The following MDGA2 variants were observed in gnomAD, a reference collection of about 807,000 sequenced individuals.
MDGA2 encodes MAM domain-containing glycosylphosphatidylinositol anchor protein 2.
In MDGA2, 40 loss-of-function variants were observed where a neutral mutation model predicts 117.8. That is an observed-to-expected ratio of 0.34 (90% CI 0.26 to 0.44). The LOEUF is 0.44. Among genes scored for constraint, MDGA2 ranks in the 20% least tolerant of loss-of-function variants. MDGA2 has a pLI of 1.00. For missense variants in MDGA2, 1,123 were observed against 1,250.6 expected, an observed-to-expected ratio of 0.90 and a Z score of 1.54; for synonymous variants, 452 against 439.0, an observed-to-expected ratio of 1.03 and a Z score of -0.37.
In MDGA2 at chr14:46,868,511, A is replaced by G. The variant is rs144382774; in HGVS notation, c.2752+4922T>C. 5.9e-5 allele frequency among the ~76,000 whole-genome samples: 9 copies of G among 152,040 alleles called. No homozygotes were observed. The South Asian group carries it at 1.5e-3, about 25-fold the overall frequency. On this transcript the variant is annotated intron_variant, in intron 14 of 16. Coordinates refer to ENST00000399232, the MANE Select transcript of MDGA2 (RefSeq NM_001113498.3). ...ACTTCAAGTATGACTGGAACAGACT[A>G]TGAAGCTACCCCAAGGAAAAGCCAG...
In MDGA2 at chr14:46,855,116, T is replaced by C. The variant is rs1221329781; in HGVS notation, c.2791A>G (p.Thr931Ala). ...GAAGACCACAGTGGATTCTCTATTG[T>C]TGTTTGCCCTTTCAAACGTAGATAA... is the stretch of plus-strand genomic sequence containing the variant. Reference protein sequence around the residue: ...NVYLRLKGQTTIENPLWSSSG... With the variant: ...NVYLRLKGQTAIENPLWSSSG... The change falls in exon 15 of 17, where the codon ACA becomes GCA. Residue 931 changes from threonine (T) to alanine (A), a missense_variant. Around this residue, in one of 2 missense-constraint regions of MDGA2, gnomAD observed 890 missense variants for 1,050.3 expected, o/e 0.85. Transcript: ENST00000399232. The surrounding 1 kb of genome is among the most constrained non-coding windows in gnomAD (Gnocchi z 4.1). 6.2e-7 allele frequency: 1 copy of C among 1,610,868 alleles called. No individual in the cohort carries two copies. The highest frequency in any genetic ancestry group is 8.5e-7 in the Non-Finnish European group (1 of 1,178,420).
At chr14:47,392,758 C>A (rs539163913) in intron 1 of MDGA2, among the ~76,000 whole-genome samples, 3 of 151,536 alleles carry the variant, frequency 2.0e-5, no homozygotes, top group African/African-American at 7.3e-5. Flanking sequence ...TATTTTTAAA[C>A]CAAAAAATAA....
chr14:47,400,849 CG>C (rs34392580), intron 1 of MDGA2, among the ~76,000 whole-genome samples: 115,243 of 115,280 alleles, frequency 1, 57,603 homozygotes, highest in Middle Eastern at 1. Flanking sequence ...CTCCGCCTCC[CG>C]GGGTTCACGC....
chr14:47,299,620 T>C (rs1475868249), intron 2 of MDGA2: 2 of 152,206 alleles, frequency 1.3e-5, no homozygotes, highest in Non-Finnish European at 2.9e-5. Context: ...AAGTCTATCA[T>C]TGTTTAAATT....
chr14:46,848,792 A>T (rs2138280749), intron 15 of MDGA2, among the ~76,000 whole-genome samples: 1 of 152,122 alleles, frequency 6.6e-6, no homozygotes, highest in East Asian at 1.9e-4. Context: ...TGTGCTACCT[A>T]CCTACTGGCA....
chr14:47,509,657 C>G (rs541274263), intron 1 of MDGA2, among the ~76,000 whole-genome samples: 19 of 152,282 alleles, frequency 1.2e-4, no homozygotes, highest in Non-Finnish European at 2.4e-4. Flanking sequence ...AGCAGAGTAT[C>G]AAATCAAGAG....
chr14:47,499,298 G>C (rs573725137), intron 1 of MDGA2, among the ~76,000 whole-genome samples: 1 of 151,996 alleles, frequency 6.6e-6, no homozygotes, highest in Non-Finnish European at 1.5e-5. Context: ...CAATACTCCA[G>C]GATTTGCTAT....
At chr14:47,625,200 TC>T (rs1897119344) in intron 1 of MDGA2, among the ~76,000 whole-genome samples, 1 of 152,140 alleles carries the variant, frequency 6.6e-6, no homozygotes, top group Non-Finnish European at 1.5e-5. Context: ...GGAATGCTTT[TC>T]TTTAGCATAC....
At chr14:47,259,100 T>C (rs1887713329) in intron 2 of MDGA2, among the ~76,000 whole-genome samples, 1 of 151,976 alleles carries the variant, frequency 6.6e-6, no homozygotes, top group Admixed American at 6.6e-5. Context: ...TCCATTTGTT[T>C]GTTTAGTGCC....
Position 47,155,673 on chromosome 14 carries a change from T to A in MDGA2, c.596-11399A>T, listed in dbSNP as rs528856963. ...CAGCCCTCACCGTTCCATGGCTGGC[T>A]CACCCTTGACAGGTGTGAGATCCAG... On this transcript the variant is annotated intron_variant, in intron 3 of 16. Transcript: ENST00000399232. 7.9e-3 allele frequency among the ~76,000 whole-genome samples: 1,195 copies of A among 151,856 alleles called. 4 individuals carry two copies. The highest frequency in any genetic ancestry group is 0.013 in the Non-Finnish European group (852 of 67,974).
chr14:47,448,135 ATTTTAT>A (rs763590033), intron 1 of MDGA2, among the ~76,000 whole-genome samples: 141 of 144,970 alleles, frequency 9.7e-4, no homozygotes, highest in Middle Eastern at 3.6e-3. Flanking sequence ...TTATTTATTT[ATTTTAT>A]TTTATTTTAT....
chr14:47,612,303 C>T (rs1896865745), intron 1 of MDGA2, among the ~76,000 whole-genome samples: 1 of 151,910 alleles, frequency 6.6e-6, no homozygotes, highest in East Asian at 1.9e-4. Flanking sequence ...AAGTGTGACA[C>T]CCCACAGTCA....
chr14:47,001,745 T>C (rs1887537423), intron 8 of MDGA2, among the ~76,000 whole-genome samples: 1 of 152,122 alleles, frequency 6.6e-6, no homozygotes, highest in Non-Finnish European at 1.5e-5. Flanking sequence ...CACTGGTACA[T>C]ATCCTGGTTA....
intron 2 of MDGA2, among the ~76,000 whole-genome samples, chr14:47,247,229 T>G (rs1355615160): frequency 1.3e-5 from 2 of 151,618 alleles, no homozygotes; most frequent in African/African-American, 4.8e-5. Context: ...AGGAGTCAAC[T>G]GTGGAACTCC....
chr14:47,110,700 T>C (rs1016195638), intron 5 of MDGA2, among the ~76,000 whole-genome samples: 6 of 152,312 alleles, frequency 3.9e-5, no homozygotes, highest in African/African-American at 1.4e-4. Flanking sequence ...CTGTTTGCTC[T>C]TCTAAAAAGT....
intron 12 of MDGA2, among the ~76,000 whole-genome samples, chr14:46,875,842 T>C (rs1482794026): frequency 1.3e-5 from 2 of 151,676 alleles, no homozygotes; most frequent in Admixed American, 6.6e-5. Context: ...TTTCAGTTTA[T>C]GTATCTACTG....
intron 7 of MDGA2, among the ~76,000 whole-genome samples, chr14:47,042,812 T>C (rs1228563176): frequency 6.6e-6 from 1 of 152,078 alleles, no homozygotes; most frequent in African/African-American, 2.4e-5. Flanking sequence ...GAAAGTACAT[T>C]CAGTGTAAGT....
intron 8 of MDGA2, among the ~76,000 whole-genome samples, chr14:47,034,612 A>G (rs1301696374): frequency 1.3e-5 from 2 of 152,184 alleles, no homozygotes; most frequent in African/African-American, 2.4e-5. Context: ...AAAAACATGG[A>G]CTGTGAAAAC....
At chr14:47,627,273 T>G (rs1396032200) in intron 1 of MDGA2, among the ~76,000 whole-genome samples, 1 of 151,914 alleles carries the variant, frequency 6.6e-6, no homozygotes, top group East Asian at 1.9e-4. Context: ...TTGGAGAACC[T>G]TTATGTCTAG....
Sources: allele counts gnomAD v4.1 joint callset (sites outside exome capture counted in the v4.1 genomes callset), GRCh38; gene constraint gnomAD v4.1.1; regional missense constraint gnomAD v4.1.1; non-coding constraint Gnocchi (gnomAD v3.1); transcripts MANE v1.5; gene names NCBI Gene and HGNC (gene_info 2026-07-23, HGNC 2026-07-21).